Variants in ARHGAP24 observed in about 807,000 individuals in gnomAD.
ARHGAP24 encodes rho GTPase-activating protein 24.
ARHGAP24 carries 50 observed loss-of-function variants against 76.4 expected under a neutral mutation model. The observed-to-expected ratio is 0.65, with a 90% CI of 0.52 to 0.83. The LOEUF is 0.83. ARHGAP24 is among the 40% of genes least tolerant of loss of function. The pLI is 0.00. For synonymous variants in ARHGAP24, 345 were observed against 323.3 expected, an observed-to-expected ratio of 1.07 and a Z score of -0.72; for missense variants, 930 against 914.2, an observed-to-expected ratio of 1.02 and a Z score of -0.22.
At chr4:85,999,651 A>T (rs563497013) in intron 9 of ARHGAP24, among the ~76,000 whole-genome samples, 2 of 152,328 alleles carry the variant, frequency 1.3e-5, no homozygotes, top group African/African-American at 4.8e-5. Flanking sequence ...TAAAGATGTA[A>T]CTTTAATACC....
chr4:85,528,844 A>G (rs1374118037), intron 1 of ARHGAP24, among the ~76,000 whole-genome samples: 1 of 152,094 alleles, frequency 6.6e-6, no homozygotes, highest in Admixed American at 6.6e-5. Flanking sequence ...ATAATATTTC[A>G]TTGATGCTTG....
intron 3 of ARHGAP24, among the ~76,000 whole-genome samples, chr4:85,833,114 T>C (rs914926711): frequency 2.6e-5 from 4 of 152,218 alleles, no homozygotes; most frequent in Admixed American, 2.0e-4. Context: ...TAGACTGATT[T>C]CTTGTTCTTA....
chr4:85,890,521 G>C (rs536403832), intron 3 of ARHGAP24, among the ~76,000 whole-genome samples: 9 of 152,276 alleles, frequency 5.9e-5, no homozygotes, highest in Non-Finnish European at 1.3e-4. Context: ...ATTCAGCCTG[G>C]CTAGTATCTT....
chr4:85,552,573 G>C (rs558454686), intron 1 of ARHGAP24, among the ~76,000 whole-genome samples: 30 of 152,188 alleles, frequency 2.0e-4, no homozygotes, highest in Non-Finnish European at 3.8e-4. Context: ...GAATATTTTT[G>C]TTAACTTTGT....
At chr4:85,906,497 A>T (rs765671185) in intron 3 of ARHGAP24, among the ~76,000 whole-genome samples, 1 of 152,204 alleles carries the variant, frequency 6.6e-6, no homozygotes, top group East Asian at 1.9e-4. Context: ...TATGATAACT[A>T]GTTTTTTAAT....
At chr4:85,503,613 C>T (rs1723914195) in intron 1 of ARHGAP24, among the ~76,000 whole-genome samples, 1 of 151,810 alleles carries the variant, frequency 6.6e-6, no homozygotes, top group African/African-American at 2.4e-5. Context: ...CTCTTTTCTT[C>T]TTTATTAGTG....
intron 3 of ARHGAP24, among the ~76,000 whole-genome samples, chr4:85,802,446 G>T (rs1728616677): frequency 6.6e-6 from 1 of 152,176 alleles, no homozygotes; most frequent in African/African-American, 2.4e-5. Context: ...AGGCTTAAGA[G>T]CTGAACTAGC....
chr4:85,825,231 T>G (rs1729657267), intron 3 of ARHGAP24, among the ~76,000 whole-genome samples: 1 of 152,222 alleles, frequency 6.6e-6, no homozygotes, highest in Admixed American at 6.5e-5. Flanking sequence ...TCTGAATAAT[T>G]GAAAACTGAC....
chr4:85,632,692 G>A (rs1721195624), intron 2 of ARHGAP24, among the ~76,000 whole-genome samples: 1 of 151,984 alleles, frequency 6.6e-6, no homozygotes, highest in Admixed American at 6.6e-5. Context: ...ACAAATTAAT[G>A]TCTAATGGCA....
intron 3 of ARHGAP24, among the ~76,000 whole-genome samples, chr4:85,845,969 G>C (rs1486531815): frequency 3.3e-5 from 5 of 151,748 alleles, no homozygotes; most frequent in Admixed American, 2.0e-4. Flanking sequence ...GCAATGGCGC[G>C]ATCTCGGCTC....
chr4:85,667,592 G>T (rs181529288), intron 2 of ARHGAP24, among the ~76,000 whole-genome samples: 1 of 152,144 alleles, frequency 6.6e-6, no homozygotes, highest in African/African-American at 2.4e-5. Flanking sequence ...CTTCTGCGTC[G>T]CTCACGCTGG....
intron 5 of ARHGAP24, among the ~76,000 whole-genome samples, chr4:85,969,632 T>C (rs1738842592): frequency 6.6e-6 from 1 of 152,162 alleles, no homozygotes; most frequent in Non-Finnish European, 1.5e-5. Context: ...ATGCATATCC[T>C]TCCCCAAGCT....
intron 3 of ARHGAP24, among the ~76,000 whole-genome samples, chr4:85,909,297 G>GTTT (rs373250035): frequency 3.0e-4 from 46 of 151,222 alleles, no homozygotes; most frequent in South Asian, 8.3e-4. Flanking sequence ...GTTTTCTTTT[G>GTTT]TTTTGTTTTT....
At chr4:85,700,022 C>A (rs7376882) in intron 2 of ARHGAP24, among the ~76,000 whole-genome samples, 147,688 of 152,282 alleles carry the variant, frequency 0.97, 71,777 homozygotes, top group East Asian at 1. Context: ...AGATTTTAAA[C>A]CTCATACTTA....
At chr4:85,947,928 G>A (rs189396) in intron 5 of ARHGAP24, among the ~76,000 whole-genome samples, 90,474 of 151,920 alleles carry the variant, frequency 0.6, 27,328 homozygotes, top group East Asian at 0.81. Flanking sequence ...TTAAAACCAT[G>A]CCTTTTACAA....
intron 5 of ARHGAP24, among the ~76,000 whole-genome samples, chr4:85,959,981 A>T (rs1738150602): frequency 6.6e-6 from 1 of 152,082 alleles, no homozygotes; most frequent in South Asian, 2.1e-4. Context: ...AAGTAACCAG[A>T]GGCTTAGTTA....
chr4:85,987,146 A>G (rs1740051919), intron 8 of ARHGAP24, among the ~76,000 whole-genome samples: 1 of 152,092 alleles, frequency 6.6e-6, no homozygotes, highest in Non-Finnish European at 1.5e-5. Flanking sequence ...AAGTATATCA[A>G]ATATACCACA....
At chr4:85,618,697 T>A (rs1337827190) in intron 2 of ARHGAP24, among the ~76,000 whole-genome samples, 2 of 152,132 alleles carry the variant, frequency 1.3e-5, no homozygotes, top group African/African-American at 2.4e-5. Context: ...GATATCTCAT[T>A]GTAGTTTTGA....
intron 2 of ARHGAP24, among the ~76,000 whole-genome samples, chr4:85,647,993 A>G (rs1053176507): frequency 6.6e-6 from 1 of 152,162 alleles, no homozygotes; most frequent in Non-Finnish European, 1.5e-5. Flanking sequence ...CCTTAGAAAA[A>G]TGGTTGCCAT....
Sources: allele counts gnomAD v4.1 joint callset (sites outside exome capture counted in the v4.1 genomes callset), GRCh38; gene constraint gnomAD v4.1.1; transcripts MANE v1.5; gene names NCBI Gene and HGNC (gene_info 2026-07-23, HGNC 2026-07-21).